EFCAB5: variants seen among roughly 807,000 people sequenced by gnomAD.
EFCAB5 encodes the protein EF-hand calcium binding domain 5, also known as EF-hand calcium-binding domain-containing protein 5.
Under a neutral mutation model 167.9 loss-of-function variants are expected in EFCAB5, and 131 were observed. The observed-to-expected ratio is 0.78, with a 90% confidence interval of 0.68 to 0.90. EFCAB5 has a LOEUF of 0.90. Among genes scored for constraint, EFCAB5 ranks in the 40% least tolerant of loss-of-function variants. The probability of loss-of-function intolerance (pLI) is 0.00; values close to 1 mark genes in which losing one functional copy is unlikely to be tolerated. For synonymous variants in EFCAB5, 574 were observed against 602.8 expected (o/e 0.95, Z 0.70); for missense variants, 1,663 against 1,745.2 (o/e 0.95, Z 0.84).
At chr17:30,073,913 G>T (rs1480441246) in intron 14 of EFCAB5, 37 of 276,920 alleles carry the variant, frequency 1.3e-4, no homozygotes, top group Admixed American at 1.3e-3. Flanking sequence ...ATAAATAAAA[G>T]ATATAGAACA....
chr17:30,033,413 CT>C (rs1413389171), intron 7 of EFCAB5, among the ~76,000 whole-genome samples: 1 of 152,206 alleles, frequency 6.6e-6, no homozygotes, highest in African/African-American at 2.4e-5. Context: ...CTCAGAAACT[CT>C]TGCAGTGCTT....
At chr17:29,942,435 A>C in intron 2 of EFCAB5, 133 bp downstream of exon 2, 23 of 730,426 alleles carry the variant, frequency 3.1e-5, no homozygotes, top group Non-Finnish European at 4.4e-5. Flanking sequence ...GGACAAACTC[A>C]TGTTGATTAT....
Position 29,942,255 on chromosome 17 carries a change from G to A in EFCAB5, c.58G>A (p.Asp20Asn), listed in dbSNP as rs1029053645. ...TGCATTTCAGGAAAACAGAAAAGAAGACAAAGAGAGGAAATGGAACTTAAC... is the reference window on the plus strand; with the variant it reads ...TGCATTTCAGGAAAACAGAAAAGAAAACAAAGAGAGGAAATGGAACTTAAC... ...LRPAQENRKE[D>N]KERKWNLTEV... Residue 20 changes from aspartate to asparagine, a missense_variant, in exon 2 of 23, where the codon GAC becomes AAC. Coordinates refer to ENST00000394835, the MANE Select transcript of EFCAB5 (RefSeq NM_198529.4). The A allele has an allele frequency of 5.0e-6, 8 of 1,588,584 alleles. No individual in the cohort carries two copies. The highest frequency in any genetic ancestry group is 2.3e-5 in the East Asian group (1 of 44,136).
At chr17:30,097,180 C>T (rs189166094) in intron 22 of EFCAB5, among the ~76,000 whole-genome samples, 25 of 151,944 alleles carry the variant, frequency 1.6e-4, no homozygotes, top group Admixed American at 7.9e-4. Flanking sequence ...CCTCAGCCTC[C>T]CGAGTAGCTG....
chr17:29,997,267 G>T (rs1597642840), intron 6 of EFCAB5, among the ~76,000 whole-genome samples: 1 of 150,632 alleles, frequency 6.6e-6, no homozygotes, highest in South Asian at 2.1e-4. Flanking sequence ...AAGAAAGAAA[G>T]AAAATTATAT....
At chr17:30,082,646 C>A (rs1450590779) in intron 17 of EFCAB5, among the ~76,000 whole-genome samples, 1 of 152,154 alleles carries the variant, frequency 6.6e-6, no homozygotes, top group Non-Finnish European at 1.5e-5. Context: ...CCTGCCTTGG[C>A]CTCCCAAAGT....
intron 3 of EFCAB5, among the ~76,000 whole-genome samples, chr17:29,952,300 C>G (rs567881135): frequency 7.2e-5 from 11 of 152,310 alleles, no homozygotes; most frequent in African/African-American, 2.6e-4. Context: ...AAAGGTACCA[C>G]CTTTTAATAC....
chr17:30,073,717 T>G (rs2070803569), intron 14 of EFCAB5: 1 of 712,674 alleles, frequency 1.4e-6, no homozygotes, highest in African/African-American at 1.8e-5. Context: ...TTTAAGTGTA[T>G]ATTTGCTGAG....
intron 18 of EFCAB5, among the ~76,000 whole-genome samples, chr17:30,086,860 C>T (rs1205602489): frequency 6.6e-6 from 1 of 151,914 alleles, no homozygotes; most frequent in South Asian, 2.1e-4. Flanking sequence ...CTATTGCACT[C>T]CAACCTGGGC....
chr17:29,973,971 A>C (rs1377164780), intron 4 of EFCAB5, among the ~76,000 whole-genome samples: 1 of 151,574 alleles, frequency 6.6e-6, no homozygotes, highest in African/African-American at 2.4e-5. Context: ...CTCCCTGGCC[A>C]ACATGGTGAA....
At chr17:29,994,629 G>A (rs2068505577) in intron 5 of EFCAB5, among the ~76,000 whole-genome samples, 1 of 152,148 alleles carries the variant, frequency 6.6e-6, no homozygotes, top group Admixed American at 6.5e-5. Context: ...AGCTCTATCA[G>A]GCTGGGCGCC....
intron 22 of EFCAB5, 58 bp downstream of exon 22, chr17:30,092,994 T>A: frequency 7.3e-7 from 1 of 1,363,242 alleles, no homozygotes; most frequent in Non-Finnish European, 1.0e-6. Context: ...AACACAGTTG[T>A]GATTTTTATT....
intron 7 of EFCAB5, among the ~76,000 whole-genome samples, chr17:30,001,973 G>A (rs1250615428): frequency 6.6e-6 from 1 of 152,172 alleles, no homozygotes; most frequent in African/African-American, 2.4e-5. Flanking sequence ...CTAGACCCAG[G>A]TCAGCCTGAC....
At chr17:30,068,011 A>G (rs749253892) in intron 14 of EFCAB5, among the ~76,000 whole-genome samples, 2 of 152,242 alleles carry the variant, frequency 1.3e-5, no homozygotes, top group African/African-American at 2.4e-5. Context: ...AAATCAACAT[A>G]TAAAAATCAG....
chr17:30,051,590 C>T (rs2070098782), intron 9 of EFCAB5, among the ~76,000 whole-genome samples: 2 of 152,102 alleles, frequency 1.3e-5, no homozygotes, highest in South Asian at 2.1e-4. Context: ...GAGTCTTACT[C>T]TTCTCACCCA....
At chr17:30,077,883 T>G (rs1177920119) in intron 14 of EFCAB5, among the ~76,000 whole-genome samples, 2 of 152,200 alleles carry the variant, frequency 1.3e-5, no homozygotes, top group African/African-American at 4.8e-5. Flanking sequence ...GTGGCCACAC[T>G]GCCAAAGAGT....
intron 14 of EFCAB5, among the ~76,000 whole-genome samples, chr17:30,066,409 T>A (rs1396081368): frequency 2.0e-5 from 3 of 152,260 alleles, no homozygotes; most frequent in East Asian, 1.9e-4. Flanking sequence ...CTTTTTAATT[T>A]ATTTATTTTT....
At chr17:30,084,995 C>T (rs994319561) in intron 18 of EFCAB5, among the ~76,000 whole-genome samples, 1 of 152,254 alleles carries the variant, frequency 6.6e-6, no homozygotes, top group African/African-American at 2.4e-5. Flanking sequence ...TCCCCGCCCC[C>T]TCTCCCCGCC....
intron 14 of EFCAB5, among the ~76,000 whole-genome samples, chr17:30,070,319 C>T (rs1374200323): frequency 6.6e-6 from 1 of 152,052 alleles, no homozygotes; most frequent in African/African-American, 2.4e-5. Flanking sequence ...ATACCAATAG[C>T]ATTTTTCATA....
Sources: gnomAD v4.1 joint callset for allele counts (sites outside exome capture counted in the v4.1 genomes callset) on GRCh38, gnomAD v4.1.1 for gene constraint, MANE v1.5 for transcripts, NCBI Gene and HGNC (gene_info 2026-07-23, HGNC 2026-07-21) for gene names.